The following LCORL variants were observed in gnomAD, a reference collection of about 807,000 sequenced individuals.
The protein encoded by LCORL is ligand dependent nuclear receptor corepressor like.
Under a neutral mutation model 141.8 loss-of-function variants are expected in LCORL, and 41 were observed. That is an observed-to-expected ratio of 0.29 (90% confidence interval 0.23 to 0.38). The LOEUF is 0.38. Ranked by LOEUF, LCORL falls within the 10% of genes least tolerant of loss-of-function variation. The probability of loss-of-function intolerance (pLI) is 1.00; values close to 1 mark genes in which losing one functional copy is unlikely to be tolerated. For synonymous variants in LCORL, 618 were observed against 694.1 expected (o/e 0.89, Z 1.72); for missense variants, 1,759 against 2,035.0 (o/e 0.86, Z 2.61).
At chr4:17,911,964 C>A in intron 4 of LCORL, 1 of 607,780 alleles carries the variant, frequency 1.6e-6, no homozygotes, top group Non-Finnish European at 3.1e-6. Flanking sequence ...GCCTGAATGA[C>A]TGCTTGGCCT....
chr4:17,910,369 G>C (rs1259164766), intron 4 of LCORL, among the ~76,000 whole-genome samples: 1 of 152,158 alleles, frequency 6.6e-6, no homozygotes, highest in African/African-American at 2.4e-5. Context: ...AAGATGACTA[G>C]AGAAACTTGT....
At chr4:17,967,188 T>A (rs34025766) in intron 2 of LCORL, among the ~76,000 whole-genome samples, 36,874 of 151,976 alleles carry the variant, frequency 0.24, 5,822 homozygotes, top group African/African-American at 0.44. Context: ...TCCAACTATA[T>A]GACATTCTAA....
At chr4:17,927,917 AC>A (rs1227180590) in intron 4 of LCORL, among the ~76,000 whole-genome samples, 2 of 152,084 alleles carry the variant, frequency 1.3e-5, no homozygotes, top group Non-Finnish European at 2.9e-5. Context: ...GCTGCTACGC[AC>A]CTTCAATTTG....
At chr4:17,992,613 A>G (rs1297604444) in intron 1 of LCORL, among the ~76,000 whole-genome samples, 1 of 152,232 alleles carries the variant, frequency 6.6e-6, no homozygotes, top group Non-Finnish European at 1.5e-5. Context: ...ATTCAATTCT[A>G]CATTATAAAA....
chr4:17,904,248 C>T (rs778114868), intron 5 of LCORL, among the ~76,000 whole-genome samples: 1 of 151,902 alleles, frequency 6.6e-6, no homozygotes, highest in Non-Finnish European at 1.5e-5. Context: ...TGCTTATTTG[C>T]CTATTCCAAT....
At chr4:17,986,263 A>C (rs1718951177) in intron 1 of LCORL, among the ~76,000 whole-genome samples, 1 of 152,112 alleles carries the variant, frequency 6.6e-6, no homozygotes, top group Non-Finnish European at 1.5e-5. Context: ...AGAATCTTTC[A>C]GGGGTTCTCT....
chr4:17,927,398 C>A (rs763158528), intron 4 of LCORL, among the ~76,000 whole-genome samples: 3 of 152,182 alleles, frequency 2.0e-5, no homozygotes, highest in South Asian at 2.1e-4. Context: ...ATGTATTCAC[C>A]GGATTAGCAC....
chr4:17,864,085 C>T (rs893091222), intron 7 of LCORL, among the ~76,000 whole-genome samples: 1 of 152,026 alleles, frequency 6.6e-6, no homozygotes, highest in Non-Finnish European at 1.5e-5. Flanking sequence ...ATCTATACAA[C>T]AAATCCCCGT....
exon 4 of LCORL, chr4:17,961,984 G>C: frequency 6.2e-7 from 1 of 1,608,950 alleles, no homozygotes; most frequent in Non-Finnish European, 8.5e-7. Flanking sequence ...TGAGATGATA[G>C]CTCCTCTGTT....
At chr4:17,894,535 T>C (rs1204656987) in intron 5 of LCORL, among the ~76,000 whole-genome samples, 2 of 152,214 alleles carry the variant, frequency 1.3e-5, no homozygotes, top group African/African-American at 2.4e-5. Context: ...AAAACACTTA[T>C]GAAAAACGTT....
At chr4:18,005,028 C>T (rs919248664) in intron 1 of LCORL, among the ~76,000 whole-genome samples, 11 of 152,058 alleles carry the variant, frequency 7.2e-5, no homozygotes, top group African/African-American at 2.7e-4. Flanking sequence ...AGCAATTCTC[C>T]TGCCGCAGCC....
At chr4:18,017,604 A>G (rs1042690015) in intron 1 of LCORL, among the ~76,000 whole-genome samples, 3 of 152,138 alleles carry the variant, frequency 2.0e-5, no homozygotes, top group African/African-American at 7.2e-5. Flanking sequence ...ATTGAGGGAC[A>G]TTCTACAAAA....
chr4:17,883,205 T>C lies in LCORL; in HGVS notation c.776+2863A>G, dbSNP rs888398690. 11 of 981,150 alleles carry C rather than the reference T, an allele frequency of 1.1e-5. No homozygotes were observed. In the East Asian group the frequency reaches 3.4e-4, roughly 30 times the overall value. The allele number at this position is 981,150 out of a possible 1,614,324, so 60.8% of individuals were successfully genotyped here. On this transcript the variant is annotated intron_variant, in intron 6 of 7. Coordinates refer to ENST00000635767, the Ensembl canonical transcript of LCORL. Reference sequence around the variant, plus strand: ...TGCACTGTCGTGTACTAATACTGTATATATTAATTTTTCTTAGTATGGAGA... The same window carrying C: ...TGCACTGTCGTGTACTAATACTGTACATATTAATTTTTCTTAGTATGGAGA...
At chr4:17,969,389 G>A (rs1398671982) in intron 2 of LCORL, among the ~76,000 whole-genome samples, 5 of 152,116 alleles carry the variant, frequency 3.3e-5, no homozygotes, top group African/African-American at 1.2e-4. Flanking sequence ...TCAATCTGGA[G>A]GTGGTTGCGA....
exon 7 of LCORL, chr4:17,874,935 T>C (rs1429239111): frequency 1.8e-5 from 22 of 1,233,726 alleles, no homozygotes; most frequent in Non-Finnish European, 2.2e-5. Context: ...AGCGTTTCTA[T>C]AAATAAGTGA....
At chr4:17,982,159 T>C (rs1436670356) in intron 1 of LCORL, among the ~76,000 whole-genome samples, 1 of 149,720 alleles carries the variant, frequency 6.7e-6, no homozygotes, top group Non-Finnish European at 1.5e-5. Flanking sequence ...CAAGATATTT[T>C]CTTTATCCAA....
intron 7 of LCORL, among the ~76,000 whole-genome samples, chr4:17,857,041 T>C (rs750396949): frequency 6.6e-6 from 1 of 152,202 alleles, no homozygotes; most frequent in Non-Finnish European, 1.5e-5. Context: ...TGGACAAATA[T>C]TTGCTGAAAG....
chr4:17,976,789 C>T (rs1363370943), intron 1 of LCORL, among the ~76,000 whole-genome samples: 2 of 152,030 alleles, frequency 1.3e-5, no homozygotes, highest in Admixed American at 6.6e-5. Context: ...GTGCTTTCAC[C>T]GTCTAGTGGT....
intron 1 of LCORL, among the ~76,000 whole-genome samples, chr4:18,010,117 CT>C (rs539282420): frequency 2.6e-5 from 4 of 152,266 alleles, no homozygotes; most frequent in Admixed American, 2.0e-4. Context: ...AGAGTACCTG[CT>C]TTTTTTCCAT....
Sources: allele counts gnomAD v4.1 joint callset (sites outside exome capture counted in the v4.1 genomes callset), GRCh38; gene constraint gnomAD v4.1.1; transcripts MANE v1.5; gene names NCBI Gene and HGNC (gene_info 2026-07-23, HGNC 2026-07-21).